Variants in TBL1X observed in about 807,000 individuals in gnomAD.
The protein encoded by TBL1X is F-box-like/WD repeat-containing protein TBL1X.
Under a neutral mutation model 50.7 loss-of-function variants are expected in TBL1X, and 10 were observed. The ratio of observed to expected loss-of-function variants is 0.20; its 90% CI spans 0.12 to 0.33. The LOEUF (loss-of-function observed/expected upper bound fraction) is 0.33. TBL1X is among the 10% of genes least tolerant of loss of function. TBL1X has a pLI of 1.00. For synonymous variants in TBL1X, 190 were observed against 214.7 expected (o/e 0.88, Z 1.01); for missense variants, 340 against 504.4 (o/e 0.67, Z 3.12).
At chrX:9,519,918 C>T (rs1482191107) in intron 2 of TBL1X, among the ~76,000 whole-genome samples, 2 of 112,450 alleles carry the variant, frequency 1.8e-5, no homozygotes, top group African/African-American at 6.5e-5. Context: ...TCTCATTTCT[C>T]CTGTCCTACT....
chrX:9,576,718 A>G (rs5979123), intron 2 of TBL1X, among the ~76,000 whole-genome samples: 5,049 of 102,308 alleles, frequency 0.049, 375 homozygotes, highest in African/African-American at 0.16. Context: ...AAAAAAAAAC[A>G]TCGGACGTGG....
At chrX:9,487,024 T>C (rs1280898580) in intron 1 of TBL1X, among the ~76,000 whole-genome samples, 3 of 112,067 alleles carry the variant, frequency 2.7e-5, no homozygotes, top group African/African-American at 9.7e-5. Flanking sequence ...GTGGAACAGA[T>C]TCCTGGAGGA....
At chrX:9,518,991 A>G (rs1054249966) in intron 2 of TBL1X, among the ~76,000 whole-genome samples, 3 of 102,092 alleles carry the variant, frequency 2.9e-5, no homozygotes, top group East Asian at 3.1e-4. Context: ...CTTCTGTGCA[A>G]TGCCAGCTTA....
chrX:9,549,843 A>G (rs1000709722), intron 2 of TBL1X, among the ~76,000 whole-genome samples: 2 of 111,494 alleles, frequency 1.8e-5, no homozygotes, highest in African/African-American at 6.5e-5. Flanking sequence ...TCTCACACGA[A>G]TGGTTCAGAG....
intron 2 of TBL1X, among the ~76,000 whole-genome samples, chrX:9,508,230 C>G (rs2082035941): frequency 8.9e-6 from 1 of 112,117 alleles, no homozygotes; most frequent in Non-Finnish European, 1.9e-5. Flanking sequence ...TTGCAAGGAA[C>G]TTAAACATAT....
At chrX:9,503,300 C>G (rs754439876) in intron 2 of TBL1X, among the ~76,000 whole-genome samples, 31 of 112,851 alleles carry the variant, frequency 2.7e-4, no homozygotes, top group African/African-American at 9.6e-4. Context: ...ACTGTGAAAC[C>G]CACGGATTGG....
intron 2 of TBL1X, chrX:9,636,163 C>G (rs2082745499): frequency 9.0e-6 from 1 of 111,615 alleles, no homozygotes; most frequent in African/African-American, 3.3e-5. Context: ...ATGGGAGTGA[C>G]TGCTTAGTGG....
rs779606791 is a variant in TBL1X at position 9,565,108 on chromosome X, A to G, written c.-131+63259A>G. On this transcript the variant is annotated intron_variant, in intron 2 of 17. Coordinates refer to ENST00000645353, the MANE Select transcript of TBL1X (RefSeq NM_005647.4). ...ACACGGTGAAACCCCGTCTCTACTA[A>G]AAATACAAAAAAAATTAGCCGGGCG... Among the ~76,000 whole-genome samples, 4 of 107,902 alleles carry G rather than the reference A, an allele frequency of 3.7e-5. No individual in the cohort carries two copies. In the South Asian group the frequency reaches 1.6e-3, roughly 44 times the overall value. 93.7% of individuals were successfully genotyped at this position (107,902 alleles called of 115,157 possible). A position where few individuals can be genotyped will look rare whatever the true frequency, so the allele number is the denominator to read the frequency against.
At chrX:9,701,092 C>T (rs1238878842) in intron 12 of TBL1X, among the ~76,000 whole-genome samples, 1 of 110,490 alleles carries the variant, frequency 9.1e-6, no homozygotes, top group Non-Finnish European at 1.9e-5. Flanking sequence ...TACACATCTA[C>T]CCATGTGATA....
At chrX:9,703,231 G>A (rs1601851074) in intron 12 of TBL1X, among the ~76,000 whole-genome samples, 1 of 99,335 alleles carries the variant, frequency 1.0e-5, no homozygotes, top group East Asian at 3.2e-4. Flanking sequence ...GAGATCACCA[G>A]AGAAGGGAAG....
rs1462220526 is a variant in TBL1X at position 9,614,583 on chromosome X, A to G, written c.-130-25690A>G. Among the ~76,000 whole-genome samples the G allele has an allele frequency of 3.6e-5, 4 of 111,526 alleles. No homozygotes were observed. In the East Asian group the frequency reaches 1.1e-3, roughly 31 times the overall value. ...CTCAAGAAAACAAAACAAAAAATGA[A>G]TTGGCCAAGAGAAGTCAAGGCTCAT... On this transcript the variant is annotated intron_variant, in intron 2 of 17. Transcript: ENST00000645353.
chrX:9,479,376 G>A (rs1289464800), intron 1 of TBL1X, among the ~76,000 whole-genome samples: 1 of 112,270 alleles, frequency 8.9e-6, no homozygotes, highest in Non-Finnish European at 1.9e-5. Flanking sequence ...AACCTGGGAG[G>A]CGGAGGTTGC....
intron 6 of TBL1X, among the ~76,000 whole-genome samples, chrX:9,685,085 CTG>C (rs748767707): frequency 2.8e-4 from 32 of 112,288 alleles, no homozygotes; most frequent in African/African-American, 1.0e-3. Context: ...CACATTAAAA[CTG>C]TGCACTTGGC....
At chrX:9,600,575 C>T (rs1026582057) in intron 2 of TBL1X, among the ~76,000 whole-genome samples, 25 of 110,259 alleles carry the variant, frequency 2.3e-4, no homozygotes, top group Non-Finnish European at 4.5e-4. Context: ...AAAGCATTCA[C>T]CTCTCAATTT....
intron 3 of TBL1X, among the ~76,000 whole-genome samples, chrX:9,650,904 T>G (rs190689402): frequency 4.5e-5 from 5 of 111,134 alleles, no homozygotes; most frequent in African/African-American, 1.6e-4. Context: ...TCTTCAAAAT[T>G]AATTTCAAAA....
chrX:9,604,162 G>T (rs2082570729), intron 2 of TBL1X, among the ~76,000 whole-genome samples: 1 of 111,670 alleles, frequency 9.0e-6, no homozygotes, highest in African/African-American at 3.3e-5. Flanking sequence ...ATACTCCAGG[G>T]TGGCTCTGTG....
intron 2 of TBL1X, among the ~76,000 whole-genome samples, chrX:9,586,903 AAAAT>A (rs1213959106): frequency 3.6e-5 from 4 of 112,184 alleles, no homozygotes; most frequent in African/African-American, 6.5e-5. Flanking sequence ...CTATCTCAAA[AAAAT>A]AAATAAATAA....
chrX:9,603,118 C>T (rs2082565111), intron 2 of TBL1X, among the ~76,000 whole-genome samples: 2 of 112,328 alleles, frequency 1.8e-5, no homozygotes, highest in South Asian at 3.7e-4. Context: ...TATCCTTCTC[C>T]TTTAAGAGAA....
Position 9,709,633 on chromosome X carries a change from A to G in TBL1X, c.1312A>G (p.Ile438Val). 1 of 1,210,125 alleles carries G rather than the reference A, an allele frequency of 8.3e-7. No individual in the cohort carries two copies. The highest frequency in any genetic ancestry group is 1.1e-6 in the Non-Finnish European group (1 of 894,711). Residue 438 changes from isoleucine (I) to valine (V), a missense_variant and splice_region_variant, in exon 15 of 18, where the codon ATC (isoleucine) becomes GTC (valine). Physicochemically the swap from Ile to Val is conservative, Grantham distance 29. Transcript: ENST00000645353. ...ATGTTGTGTCTGGTGTGTTCTGTAG[A>G]TCTGGAGCATGAAACAGGAGGTGTG... ...ASCSDDMTLK[I>V]WSMKQEVCIH...
Sources: allele counts gnomAD v4.1 joint callset (sites outside exome capture counted in the v4.1 genomes callset), GRCh38; gene constraint gnomAD v4.1.1; transcripts MANE v1.5; gene names NCBI Gene and HGNC (gene_info 2026-07-23, HGNC 2026-07-21).